The following STAG1 variants were observed in gnomAD, a reference collection of about 807,000 sequenced individuals.
STAG1 encodes the protein STAG1 cohesin complex component.
In STAG1, 26 loss-of-function variants were observed where a neutral mutation model predicts 170.9. The ratio of observed to expected loss-of-function variants is 0.15; its 90% CI spans 0.11 to 0.21. The LOEUF is 0.21. Ranked by LOEUF, STAG1 falls within the 10% of genes least tolerant of loss-of-function variation. STAG1 has a pLI of 1.00. For missense variants in STAG1, 964 were observed against 1,509.5 expected, an observed-to-expected ratio of 0.64 and a Z score of 5.99; for synonymous variants, 514 against 497.7, an observed-to-expected ratio of 1.03 and a Z score of -0.44.
At chr3:136,692,462 C>G (rs1320921099) in intron 1 of STAG1, among the ~76,000 whole-genome samples, 1 of 151,884 alleles carries the variant, frequency 6.6e-6, no homozygotes, top group Non-Finnish European at 1.5e-5. Flanking sequence ...TGGTGAAACC[C>G]TACCTCTACT....
At chr3:136,725,564 G>T (rs1576816847) in intron 1 of STAG1, among the ~76,000 whole-genome samples, 1 of 152,292 alleles carries the variant, frequency 6.6e-6, no homozygotes, top group South Asian at 2.1e-4. Flanking sequence ...ACAGTAAAGT[G>T]ATGACTTATG....
chr3:136,522,938 T>C (rs1272468743), intron 6 of STAG1, among the ~76,000 whole-genome samples: 1 of 152,200 alleles, frequency 6.6e-6, no homozygotes, highest in Non-Finnish European at 1.5e-5. Flanking sequence ...ACAGTGTATA[T>C]GTGCCATATT....
chr3:136,622,822 G>A (rs1939925192), intron 3 of STAG1, among the ~76,000 whole-genome samples: 1 of 152,114 alleles, frequency 6.6e-6, no homozygotes, highest in African/African-American at 2.4e-5. Flanking sequence ...CAGTACTTGG[G>A]AGCTCATAAG....
intron 4 of STAG1, 144 bp from the exon 5 acceptor site, chr3:136,569,005 T>C (rs767350827): frequency 1.6e-6 from 1 of 609,536 alleles, no homozygotes; most frequent in Non-Finnish European, 2.9e-6. Flanking sequence ...TGTAGCCTAA[T>C]AAAAGTAGAG....
At chr3:136,572,133 T>C (rs528749570) in intron 4 of STAG1, among the ~76,000 whole-genome samples, 13 of 152,148 alleles carry the variant, frequency 8.5e-5, no homozygotes, top group Admixed American at 2.0e-4. Context: ...AAGAATCACT[T>C]GAACCTGGGA....
At chr3:136,464,411 G>A (rs35326900) in intron 13 of STAG1, among the ~76,000 whole-genome samples, 27,160 of 149,706 alleles carry the variant, frequency 0.18, 2,923 homozygotes, top group Non-Finnish European at 0.24. Flanking sequence ...CAACAAGAGC[G>A]AAACTCCGTC....
At chr3:136,417,142 C>A (rs955169791) in intron 21 of STAG1, among the ~76,000 whole-genome samples, 3 of 152,088 alleles carry the variant, frequency 2.0e-5, no homozygotes, top group Non-Finnish European at 4.4e-5. Context: ...ACCACTGTGC[C>A]CAGCCCATGA....
chr3:136,338,580 A>G (rs1308810694), intron 32 of STAG1, 130 bp from the exon 33 acceptor site: 2 of 663,192 alleles, frequency 3.0e-6, no homozygotes, highest in Non-Finnish European at 5.2e-6. Flanking sequence ...GAAAGGAAGA[A>G]GAGAATCTGG....
chr3:136,514,736 A>G (rs1477915293), intron 7 of STAG1, among the ~76,000 whole-genome samples: 1 of 152,216 alleles, frequency 6.6e-6, no homozygotes, highest in Non-Finnish European at 1.5e-5. Context: ...GCAGCCATAA[A>G]AAAGGATGAG....
chr3:136,407,159 TG>T lies in STAG1; in HGVS notation c.2197-8331del. On this transcript the variant is annotated intron_variant, in intron 21 of 33. Coordinates refer to ENST00000383202, the MANE Select transcript of STAG1 (RefSeq NM_005862.3). ...CTCCTGCCTCAGCCTCCTGAGTAGCTGGGATTACAGGCATGTGCCACCATGC... is the reference window on the plus strand; with the variant it reads ...CTCCTGCCTCAGCCTCCTGAGTAGCTGGATTACAGGCATGTGCCACCATGC... 1.3e-5 allele frequency among the ~76,000 whole-genome samples: 2 copies of T among 152,278 alleles called. 1 individual carries two copies. Among genetic ancestry groups the T allele is most frequent in the South Asian group, 4.1e-4 (2 of 4,834 alleles).
At chr3:136,658,733 T>C (rs1941474907) in intron 1 of STAG1, among the ~76,000 whole-genome samples, 1 of 152,212 alleles carries the variant, frequency 6.6e-6, no homozygotes, top group South Asian at 2.1e-4. Context: ...GATAATTATG[T>C]TTTACTTATA....
intron 16 of STAG1, among the ~76,000 whole-genome samples, chr3:136,425,361 G>A (rs2088086769): frequency 6.6e-6 from 1 of 152,116 alleles, no homozygotes; most frequent in African/African-American, 2.4e-5. Flanking sequence ...TGGGGGGTGA[G>A]TGGGTGGAAT....
chr3:136,418,222 T>C (rs2087830750), intron 20 of STAG1, among the ~76,000 whole-genome samples: 1 of 151,398 alleles, frequency 6.6e-6, no homozygotes, highest in African/African-American at 2.4e-5. Context: ...TAGCTGGGCA[T>C]GGTGGCGCAT....
chr3:136,394,424 C>T (rs1265776449), intron 22 of STAG1, among the ~76,000 whole-genome samples: 1 of 152,124 alleles, frequency 6.6e-6, no homozygotes, highest in Non-Finnish European at 1.5e-5. Flanking sequence ...GCTATAAATG[C>T]ACATAAAACT....
At position 136,477,353 on chromosome 3, in the gene STAG1, A is replaced by T; in HGVS notation, c.962T>A (p.Met321Lys). 6.2e-7 allele frequency: 1 copy of T among 1,613,146 alleles called. No individual in the cohort carries two copies. The highest frequency in any genetic ancestry group is 1.3e-5 in the African/African-American group (1 of 75,006). Reference sequence around the variant, plus strand: ...GTCATTTAGGAAGGCATCACTATACATTTTCATCCATACTCCAATTTCTTC... The same window carrying T: ...GTCATTTAGGAAGGCATCACTATACTTTTTCATCCATACTCCAATTTCTTC... ...CIEEIGVWMK[M>K]YSDAFLNDSY... The change falls in exon 10 of 34, where the codon ATG becomes AAG. Residue 321 changes from methionine (M) to lysine (K), a missense_variant. Around this residue, in one of 11 missense-constraint regions of STAG1, gnomAD observed 57 missense variants for 157.6 expected, o/e 0.36. Transcript: ENST00000383202.
At chr3:136,380,245 ATT>A (rs199882004) in intron 22 of STAG1, among the ~76,000 whole-genome samples, 1 of 144,910 alleles carries the variant, frequency 6.9e-6, no homozygotes, top group Admixed American at 6.9e-5. Context: ...AGGCCATAGG[ATT>A]TTTTTTTTTT....
At chr3:136,429,880 T>A (rs921782192) in intron 16 of STAG1, among the ~76,000 whole-genome samples, 1 of 152,200 alleles carries the variant, frequency 6.6e-6, no homozygotes, top group African/African-American at 2.4e-5. Context: ...TTCCTTCTGA[T>A]TTTCTTAAAA....
chr3:136,669,258 G>A (rs761936828), intron 1 of STAG1, among the ~76,000 whole-genome samples: 18 of 152,274 alleles, frequency 1.2e-4, no homozygotes, highest in Middle Eastern at 3.4e-3. Flanking sequence ...AGATCAACAC[G>A]GAAATGTTAA....
chr3:136,705,057 A>T (rs578171934), intron 1 of STAG1, among the ~76,000 whole-genome samples: 2 of 152,062 alleles, frequency 1.3e-5, no homozygotes, highest in African/African-American at 4.8e-5. Context: ...TGGCTAAAAC[A>T]TCTAGACAGA....
Sources: allele counts gnomAD v4.1 joint callset (sites outside exome capture counted in the v4.1 genomes callset), GRCh38; gene constraint gnomAD v4.1.1; regional missense constraint gnomAD v4.1.1; transcripts MANE v1.5; gene names NCBI Gene and HGNC (gene_info 2026-07-23, HGNC 2026-07-21).